The following NOVA1 variants were observed in gnomAD, a reference collection of about 807,000 sequenced individuals.
NOVA1 encodes RNA-binding protein Nova-1.
NOVA1 carries 7 observed loss-of-function variants against 38.0 expected under a neutral mutation model. That is an observed-to-expected ratio of 0.18 (90% confidence interval 0.10 to 0.35). The LOEUF (loss-of-function observed/expected upper bound fraction) is 0.35. Ranked by LOEUF, NOVA1 falls within the 10% of genes least tolerant of loss-of-function variation. The pLI, the probability that NOVA1 is intolerant of heterozygous loss-of-function variation, is 1.00. For missense variants in NOVA1, 460 were observed against 616.0 expected (o/e 0.75, Z 2.68); for synonymous variants, 270 against 232.5 (o/e 1.16, Z -1.47).
At chr14:26,563,541 A>G (rs902523571) in intron 2 of NOVA1, among the ~76,000 whole-genome samples, 9 of 151,712 alleles carry the variant, frequency 5.9e-5, no homozygotes, top group African/African-American at 2.2e-4. Context: ...CCCTATGATC[A>G]GTGATACAGA....
At chr14:26,516,156 C>T (rs566457545) in intron 2 of NOVA1, among the ~76,000 whole-genome samples, 7 of 152,144 alleles carry the variant, frequency 4.6e-5, no homozygotes, top group Admixed American at 6.5e-5. Flanking sequence ...ATATTTGTAA[C>T]GGTATTGAGT....
chr14:26,499,460 T>A (rs1404225470), intron 2 of NOVA1, among the ~76,000 whole-genome samples: 2 of 152,134 alleles, frequency 1.3e-5, no homozygotes, highest in Non-Finnish European at 2.9e-5. Flanking sequence ...CAGGGAGGTA[T>A]CCATATTGAA....
chr14:26,533,715 A>T (rs2138564719), intron 2 of NOVA1, among the ~76,000 whole-genome samples: 1 of 152,300 alleles, frequency 6.6e-6, no homozygotes, highest in South Asian at 2.1e-4. Context: ...AAGAAAATTA[A>T]CTTCTCTCAC....
intron 2 of NOVA1, among the ~76,000 whole-genome samples, chr14:26,562,318 C>A (rs1233481995): frequency 6.6e-6 from 1 of 152,106 alleles, no homozygotes. Flanking sequence ...ATAAGGATAA[C>A]AGTAGTATGC....
At chr14:26,531,306 G>T (rs1406306177) in intron 2 of NOVA1, among the ~76,000 whole-genome samples, 3 of 152,054 alleles carry the variant, frequency 2.0e-5, no homozygotes, top group African/African-American at 7.2e-5. Context: ...TAAAAATTAA[G>T]CTATAAAACC....
intron 3 of NOVA1, among the ~76,000 whole-genome samples, chr14:26,476,650 A>G (rs1885006724): frequency 6.6e-6 from 1 of 151,440 alleles, no homozygotes; most frequent in East Asian, 1.9e-4. Context: ...GTTTTCATCT[A>G]TTTACAAGAC....
intron 2 of NOVA1, among the ~76,000 whole-genome samples, chr14:26,537,052 T>C (rs1459880846): frequency 6.6e-6 from 1 of 152,084 alleles, no homozygotes; most frequent in Non-Finnish European, 1.5e-5. Flanking sequence ...GAATTTATCA[T>C]AATGGAGGTA....
intron 2 of NOVA1, among the ~76,000 whole-genome samples, chr14:26,516,411 T>C (rs1013973000): frequency 5.9e-5 from 9 of 152,200 alleles, no homozygotes; most frequent in African/African-American, 2.2e-4. Context: ...AGAGCTTTTA[T>C]GTACCACTTT....
At chr14:26,595,024 C>T (rs1281072325) in intron 2 of NOVA1, among the ~76,000 whole-genome samples, 2 of 152,034 alleles carry the variant, frequency 1.3e-5, no homozygotes, top group African/African-American at 4.8e-5. Flanking sequence ...AGAAGCCTCC[C>T]TACCCCCCTC....
chr14:26,562,184 A>G (rs1046849206), intron 2 of NOVA1, among the ~76,000 whole-genome samples: 1 of 152,176 alleles, frequency 6.6e-6, no homozygotes, highest in Non-Finnish European at 1.5e-5. Context: ...CTTCTGGTCC[A>G]TATTAATAAA....
intron 2 of NOVA1, among the ~76,000 whole-genome samples, chr14:26,491,320 G>A (rs1203139442): frequency 2.0e-5 from 3 of 152,076 alleles, no homozygotes; most frequent in African/African-American, 2.4e-5. Flanking sequence ...TGAGTTTTAG[G>A]AGTTGTTTAT....
chr14:26,468,943 A>G (rs1268858367), intron 4 of NOVA1, among the ~76,000 whole-genome samples: 1 of 152,210 alleles, frequency 6.6e-6, no homozygotes, highest in Admixed American at 6.5e-5. Context: ...AATTTTTGGT[A>G]CCACTGATTA....
chr14:26,582,747 C>T (rs961454616), intron 2 of NOVA1, among the ~76,000 whole-genome samples: 1 of 151,638 alleles, frequency 6.6e-6, no homozygotes, highest in African/African-American at 2.4e-5. Flanking sequence ...CAGATAATTT[C>T]AATAGTAAAA....
chr14:26,583,825 T>C (rs992449540), intron 2 of NOVA1, among the ~76,000 whole-genome samples: 1 of 150,976 alleles, frequency 6.6e-6, no homozygotes, highest in African/African-American at 2.4e-5. Context: ...TTCACTGACA[T>C]AGCTTAACAA....
intron 1 of NOVA1, chr14:26,596,978 A>G: frequency 8.2e-7 from 1 of 1,225,370 alleles, no homozygotes; most frequent in South Asian, 2.1e-5. Context: ...CTCCTCCTGA[A>G]TGGACCTTCT....
intron 2 of NOVA1, among the ~76,000 whole-genome samples, chr14:26,534,466 G>A (rs1391627431): frequency 6.6e-6 from 1 of 151,720 alleles, no homozygotes; most frequent in East Asian, 1.9e-4. Context: ...AATAAAATAT[G>A]AAATAGAAAC....
intron 2 of NOVA1, among the ~76,000 whole-genome samples, chr14:26,521,673 G>C (rs984130668): frequency 6.6e-6 from 1 of 151,876 alleles, no homozygotes; most frequent in African/African-American, 2.4e-5. Flanking sequence ...AGATATAATA[G>C]TATGAAAATA....
intron 2 of NOVA1, among the ~76,000 whole-genome samples, chr14:26,573,068 C>A (rs1892591975): frequency 6.6e-6 from 1 of 151,836 alleles, no homozygotes; most frequent in Non-Finnish European, 1.5e-5. Flanking sequence ...TCGAATGTAA[C>A]CCTAACATTT....
chr14:26,586,140 G>A (rs1893501623), intron 2 of NOVA1, among the ~76,000 whole-genome samples: 1 of 151,306 alleles, frequency 6.6e-6, no homozygotes, highest in Admixed American at 6.6e-5. Flanking sequence ...TTACTCAACT[G>A]ATGTGAGTAA....
Sources: gnomAD v4.1 joint callset for allele counts (sites outside exome capture counted in the v4.1 genomes callset) on GRCh38, gnomAD v4.1.1 for gene constraint, MANE v1.5 for transcripts, NCBI Gene and HGNC (gene_info 2026-07-23, HGNC 2026-07-21) for gene names.